The following GRHL2 variants were observed in gnomAD, a reference collection of about 807,000 sequenced individuals.
GRHL2 encodes grainyhead-like protein 2 homolog.
In GRHL2, 21 loss-of-function variants were observed where a neutral mutation model predicts 83.8. That is an observed-to-expected ratio of 0.25 (90% confidence interval 0.18 to 0.36). The LOEUF is 0.36. Ranked by LOEUF, GRHL2 falls within the 10% of genes least tolerant of loss-of-function variation. The pLI is 1.00. For missense variants in GRHL2, 623 were observed against 781.8 expected, an observed-to-expected ratio of 0.80 and a Z score of 2.42; for synonymous variants, 280 against 278.9, an observed-to-expected ratio of 1.00 and a Z score of -0.04.
At chr8:101,622,056 T>C (rs1405042141) in intron 9 of GRHL2, among the ~76,000 whole-genome samples, 1 of 152,150 alleles carries the variant, frequency 6.6e-6, no homozygotes, top group Non-Finnish European at 1.5e-5. Flanking sequence ...CTTGGGAAAA[T>C]TGATCCAGTA....
chr8:101,576,632 A>G (rs1048023135), intron 6 of GRHL2, among the ~76,000 whole-genome samples: 1 of 152,116 alleles, frequency 6.6e-6, no homozygotes, highest in African/African-American at 2.4e-5. Context: ...CTGATACTGT[A>G]ATTAAAGGGT....
chr8:101,666,796 T>TC lies in GRHL2; in HGVS notation c.*98dup, dbSNP rs777037036. The TC allele has an allele frequency of 1.5e-5, 12 of 784,272 alleles. No individual in the cohort carries two copies. The highest frequency in any genetic ancestry group is 2.5e-5 in the Non-Finnish European group (11 of 440,650). 48.6% of individuals were successfully genotyped at this position (784,272 alleles called of 1,614,324 possible). A position where few individuals can be genotyped will look rare whatever the true frequency, so the allele number is the denominator to read the frequency against. ...CAGCCCCAGAACCTGGAGACCCATC[T>TC]CCCCCATCTCACAACTGCTGTTACA... On this transcript the variant is annotated 3_prime_UTR_variant, in exon 16 of 16. Transcript: ENST00000646743.
intron 1 of GRHL2, 85 bp downstream of exon 1, chr8:101,492,874 T>C (rs977956345): frequency 3.3e-6 from 4 of 1,196,018 alleles, no homozygotes; most frequent in Admixed American, 3.4e-5. Flanking sequence ...TGTTTTTAAG[T>C]TGCTATTGTT....
chr8:101,611,403 C>T (rs1428554842), intron 8 of GRHL2, among the ~76,000 whole-genome samples: 1 of 150,852 alleles, frequency 6.6e-6, no homozygotes, highest in Non-Finnish European at 1.5e-5. Context: ...AGCCACTCCT[C>T]TCTGGAGCCT....
chr8:101,575,332 T>G (rs946442803), intron 6 of GRHL2, among the ~76,000 whole-genome samples: 13 of 152,208 alleles, frequency 8.5e-5, no homozygotes, highest in Admixed American at 8.5e-4. Context: ...GACAACAGTT[T>G]GGAGTACAGG....
At chr8:101,512,640 A>G (rs1810488751) in intron 1 of GRHL2, among the ~76,000 whole-genome samples, 1 of 151,952 alleles carries the variant, frequency 6.6e-6, no homozygotes, top group South Asian at 2.1e-4. Flanking sequence ...ATGCCTGACT[A>G]ATTTTTGTAT....
chr8:101,520,889 C>T (rs1338229406), intron 1 of GRHL2, among the ~76,000 whole-genome samples: 2 of 152,136 alleles, frequency 1.3e-5, no homozygotes, highest in Non-Finnish European at 2.9e-5. Flanking sequence ...ATTCCTTCCT[C>T]TTTTCCTTGA....
In GRHL2 at chr8:101,649,583, G is replaced by A. The variant is rs1048643198; in HGVS notation, c.1698+84G>A. 5.2e-5 allele frequency: 52 copies of A among 993,154 alleles called. No individual in the cohort carries two copies. In the African/African-American group the frequency reaches 7.0e-4, roughly 13 times the overall value. The allele number at this position is 993,154 out of a possible 1,614,324, so 61.5% of individuals were successfully genotyped here. A position where few individuals can be genotyped will look rare whatever the true frequency, so the allele number is the denominator to read the frequency against. On this transcript the variant is annotated intron_variant, in intron 14 of 15. Coordinates refer to ENST00000646743, the MANE Select transcript of GRHL2 (RefSeq NM_024915.4). Reference sequence around the variant, plus strand: ...ATCCATGTACTAACGTGCAGCCACCGAGATGGCTTCAGAATGAGCTTTATA... The same window carrying A: ...ATCCATGTACTAACGTGCAGCCACCAAGATGGCTTCAGAATGAGCTTTATA...
At chr8:101,590,822 C>T (rs1385404173) in intron 7 of GRHL2, among the ~76,000 whole-genome samples, 1 of 152,152 alleles carries the variant, frequency 6.6e-6, no homozygotes, top group East Asian at 1.9e-4. Context: ...CATTTGTGCC[C>T]AGAGCCATTT....
intron 14 of GRHL2, among the ~76,000 whole-genome samples, chr8:101,660,266 A>G (rs1408160424): frequency 6.6e-6 from 1 of 151,782 alleles, no homozygotes; most frequent in Non-Finnish European, 1.5e-5. Context: ...TTATCATTAT[A>G]TCATATATCC....
At chr8:101,630,018 T>A (rs1456628191) in intron 9 of GRHL2, among the ~76,000 whole-genome samples, 1 of 152,182 alleles carries the variant, frequency 6.6e-6, no homozygotes, top group Non-Finnish European at 1.5e-5. Context: ...ATAAGTAAGA[T>A]AATTATTCCA....
chr8:101,664,439 T>G lies in GRHL2; in HGVS notation c.1699-15T>G, dbSNP rs1384643139. ...CCTTCTGTGCTCATCTGCCTTCTTG[T>G]TATTGGTATTACAGATATCTGAGAA... On this transcript the variant is annotated splice_polypyrimidine_tract_variant and intron_variant, in intron 14 of 15. Transcript: ENST00000646743. The G allele has an allele frequency of 1.9e-6, 3 of 1,605,926 alleles. 1 individual carries two copies. The South Asian group carries it at 3.3e-5, about 18-fold the overall frequency.
intron 14 of GRHL2, among the ~76,000 whole-genome samples, chr8:101,651,019 G>T (rs1813611443): frequency 6.6e-6 from 1 of 152,086 alleles, no homozygotes; most frequent in Non-Finnish European, 1.5e-5. Flanking sequence ...TATGGAGTTT[G>T]TTGTTACTGG....
intron 7 of GRHL2, among the ~76,000 whole-genome samples, chr8:101,589,736 A>G (rs1252856084): frequency 2.0e-5 from 3 of 152,256 alleles, no homozygotes; most frequent in Non-Finnish European, 4.4e-5. Context: ...CATGGAGAGT[A>G]AATAGTAATA....
chr8:101,646,113 C>T (rs1440901117), intron 13 of GRHL2, among the ~76,000 whole-genome samples: 1 of 152,134 alleles, frequency 6.6e-6, no homozygotes, highest in Non-Finnish European at 1.5e-5. Context: ...GCAATCTGCC[C>T]GCCACAGCCT....
intron 2 of GRHL2, among the ~76,000 whole-genome samples, chr8:101,551,534 T>G (rs1232667621): frequency 6.6e-6 from 1 of 151,932 alleles, no homozygotes; most frequent in Non-Finnish European, 1.5e-5. Context: ...ATGATTTTCA[T>G]GAATGTTCTT....
At chr8:101,531,126 C>T (rs1168405057) in intron 1 of GRHL2, among the ~76,000 whole-genome samples, 1 of 151,168 alleles carries the variant, frequency 6.6e-6, no homozygotes, top group Admixed American at 6.6e-5. Flanking sequence ...GTGGGAGGAT[C>T]ACTTGAGCCT....
At chr8:101,550,288 CTG>C (rs1430967212) in intron 2 of GRHL2, among the ~76,000 whole-genome samples, 4 of 152,038 alleles carry the variant, frequency 2.6e-5, no homozygotes, top group Non-Finnish European at 5.9e-5. Context: ...TGGGATACGA[CTG>C]TGCCCAGCAC....
rs573453053 is a variant in GRHL2 at position 101,650,511 on chromosome 8, G to T, written c.1698+1012G>T. On this transcript the variant is annotated intron_variant, in intron 14 of 15. Coordinates refer to ENST00000646743, the MANE Select transcript of GRHL2 (RefSeq NM_024915.4). ...AGTTTTGTTTGAATACTTGTTTCCA[G>T]TTCTTTTGGGTATGTTCCAAGGTGT... Among the ~76,000 whole-genome samples, 5 of 152,212 alleles carry T rather than the reference G, an allele frequency of 3.3e-5. No homozygotes were observed. The South Asian group carries it at 1.0e-3, about 32-fold the overall frequency.
Sources: allele counts gnomAD v4.1 joint callset (sites outside exome capture counted in the v4.1 genomes callset), GRCh38; gene constraint gnomAD v4.1.1; transcripts MANE v1.5; gene names NCBI Gene and HGNC (gene_info 2026-07-23, HGNC 2026-07-21).